MAPKAP1: variants seen among roughly 807,000 people sequenced by gnomAD.
The protein encoded by MAPKAP1 is MAPK associated protein 1, also known as target of rapamycin complex 2 subunit MAPKAP1.
Under a neutral mutation model 65.7 loss-of-function variants are expected in MAPKAP1, and 20 were observed. The ratio of observed to expected loss-of-function variants is 0.30; its 90% CI spans 0.21 to 0.44. The LOEUF (loss-of-function observed/expected upper bound fraction) is 0.44. Ranked by LOEUF, MAPKAP1 falls within the 20% of genes least tolerant of loss-of-function variation. MAPKAP1 has a pLI of 1.00. For missense variants in MAPKAP1, 423 were observed against 648.0 expected (o/e 0.65, Z 3.77); for synonymous variants, 222 against 244.3 (o/e 0.91, Z 0.85).
At chr9:125,482,148 A>AG (rs1554808940) in intron 9 of MAPKAP1, among the ~76,000 whole-genome samples, 47 of 116,986 alleles carry the variant, frequency 4.0e-4, no homozygotes, top group East Asian at 3.8e-3. Context: ...AAAAAAAAAA[A>AG]AAGAAGAAGA....
intron 8 of MAPKAP1, among the ~76,000 whole-genome samples, chr9:125,488,717 T>C (rs922788089): frequency 2.0e-5 from 3 of 152,188 alleles, no homozygotes; most frequent in Admixed American, 2.0e-4. Context: ...GTATATGCAA[T>C]GGTGCAACCA....
intron 4 of MAPKAP1, among the ~76,000 whole-genome samples, chr9:125,589,975 C>G (rs1174693358): frequency 6.6e-6 from 1 of 152,186 alleles, no homozygotes; most frequent in East Asian, 1.9e-4. Flanking sequence ...CCTTGTCGGG[C>G]AGGCAAAGGG....
intron 3 of MAPKAP1, among the ~76,000 whole-genome samples, chr9:125,663,641 A>G (rs1280060487): frequency 3.9e-5 from 6 of 152,318 alleles, no homozygotes; most frequent in East Asian, 1.9e-4. Context: ...TGTTGAATGA[A>G]TAAGTCTGGA....
intron 4 of MAPKAP1, among the ~76,000 whole-genome samples, chr9:125,588,364 G>C (rs1326534818): frequency 6.6e-6 from 1 of 152,164 alleles, no homozygotes; most frequent in Non-Finnish European, 1.5e-5. Context: ...AATCCATAGA[G>C]ACAGAAAGTA....
intron 10 of MAPKAP1, 148 bp downstream of exon 10, chr9:125,467,824 G>A: frequency 5.7e-6 from 5 of 875,278 alleles, no homozygotes; most frequent in African/African-American, 1.7e-5. Flanking sequence ...ATACAATCCC[G>A]TTTGATTAAA....
intron 7 of MAPKAP1, among the ~76,000 whole-genome samples, chr9:125,537,364 T>C (rs1250661397): frequency 1.3e-5 from 2 of 152,220 alleles, no homozygotes; most frequent in Non-Finnish European, 2.9e-5. Flanking sequence ...GTTGTACAGA[T>C]TAAATGAGGT....
chr9:125,543,934 G>T (rs559549706), intron 6 of MAPKAP1, among the ~76,000 whole-genome samples: 5 of 152,296 alleles, frequency 3.3e-5, no homozygotes, highest in African/African-American at 1.2e-4. Flanking sequence ...GTCATGTGGG[G>T]CCGCAGGGCA....
At position 125,636,712 on chromosome 9, in the gene MAPKAP1, A is replaced by C. The variant is rs115226131; in HGVS notation, c.498+20939T>G. 2.8e-3 allele frequency among the ~76,000 whole-genome samples: 423 copies of C among 152,346 alleles called. 2 individuals carry two copies. Among genetic ancestry groups the C allele is most frequent in the African/African-American group, 9.9e-3 (410 of 41,568 alleles). On this transcript the variant is annotated intron_variant, in intron 4 of 11. Coordinates refer to ENST00000265960, the MANE Select transcript of MAPKAP1 (RefSeq NM_001006617.3). ...TCTGTTATGTGCCAATGACTATAGC[A>C]GCATTTGCTTACATATGATCTGCCA...
intron 5 of MAPKAP1, among the ~76,000 whole-genome samples, chr9:125,564,326 T>C (rs140526159): frequency 6.6e-6 from 1 of 152,340 alleles, no homozygotes; most frequent in East Asian, 1.9e-4. Context: ...ATAAATGTAA[T>C]GTACCAAATG....
At chr9:125,586,990 A>G (rs1279372859) in intron 4 of MAPKAP1, among the ~76,000 whole-genome samples, 4 of 152,240 alleles carry the variant, frequency 2.6e-5, no homozygotes, top group African/African-American at 9.6e-5. Flanking sequence ...TCTACTTCAA[A>G]AATACATTTC....
intron 8 of MAPKAP1, among the ~76,000 whole-genome samples, chr9:125,502,748 G>A (rs767456775): frequency 3.9e-5 from 6 of 152,146 alleles, no homozygotes; most frequent in Admixed American, 1.3e-4. Context: ...CAAGAAATAC[G>A]TATCTGCAGT....
intron 4 of MAPKAP1, among the ~76,000 whole-genome samples, chr9:125,594,445 C>T (rs1362291938): frequency 6.6e-6 from 1 of 152,142 alleles, no homozygotes; most frequent in East Asian, 1.9e-4. Context: ...GCTGCTAGAC[C>T]TTAGACTTTG....
At chr9:125,663,737 T>C (rs574090819) in intron 3 of MAPKAP1, among the ~76,000 whole-genome samples, 19 of 152,040 alleles carry the variant, frequency 1.2e-4, no homozygotes, top group African/African-American at 4.3e-4. Flanking sequence ...CAAGACAAGA[T>C]GGGGGAAGTC....
intron 4 of MAPKAP1, among the ~76,000 whole-genome samples, chr9:125,587,928 G>A (rs1017981415): frequency 6.6e-6 from 1 of 152,212 alleles, no homozygotes; most frequent in Non-Finnish European, 1.5e-5. Flanking sequence ...GCAAGGATTT[G>A]TGAGGATATG....
chr9:125,671,016 A>T (rs1029834583), intron 2 of MAPKAP1, among the ~76,000 whole-genome samples: 21 of 152,350 alleles, frequency 1.4e-4, no homozygotes, highest in African/African-American at 4.1e-4. Context: ...ACCAACACTG[A>T]AGAAAACTAC....
chr9:125,521,516 T>C, intron 7 of MAPKAP1: 1 of 1,303,062 alleles, frequency 7.7e-7, no homozygotes, highest in Non-Finnish European at 9.7e-7. Context: ...TAAAATAGTT[T>C]ATGGAAACCA....
intron 10 of MAPKAP1, among the ~76,000 whole-genome samples, chr9:125,445,879 G>A (rs757045350): frequency 6.6e-6 from 1 of 152,212 alleles, no homozygotes; most frequent in African/African-American, 2.4e-5. Context: ...AGAGAGACAC[G>A]TAGTCAGTAT....
chr9:125,457,604 A>G (rs1853236050), intron 10 of MAPKAP1, among the ~76,000 whole-genome samples: 1 of 152,202 alleles, frequency 6.6e-6, no homozygotes, highest in Non-Finnish European at 1.5e-5. Context: ...TCCTTTACAG[A>G]GTATTGGGCT....
At chr9:125,542,910 T>C (rs1830295432) in intron 7 of MAPKAP1, 149 bp downstream of exon 7, 1 of 771,096 alleles carries the variant, frequency 1.3e-6, no homozygotes, top group South Asian at 1.4e-5. Flanking sequence ...CAGTGTACAA[T>C]CACCTTTTCT....
Sources: gnomAD v4.1 joint callset for allele counts (sites outside exome capture counted in the v4.1 genomes callset) on GRCh38, gnomAD v4.1.1 for gene constraint, MANE v1.5 for transcripts, NCBI Gene and HGNC (gene_info 2026-07-23, HGNC 2026-07-21) for gene names.